HECW1: variants seen among roughly 807,000 people sequenced by gnomAD.
HECW1 encodes HECT, C2 and WW domain containing E3 ubiquitin protein ligase 1.
A neutral mutation model predicts 182.3 loss-of-function variants in HECW1; 61 were observed. The ratio of observed to expected loss-of-function variants is 0.33; its 90% CI spans 0.27 to 0.41. The LOEUF is 0.41. Among genes scored for constraint, HECW1 ranks in the 10% least tolerant of loss-of-function variants. The probability of loss-of-function intolerance (pLI) is 1.00; values close to 1 mark genes in which losing one functional copy is unlikely to be tolerated. For missense variants in HECW1, 1,739 were observed against 2,108.9 expected, an observed-to-expected ratio of 0.82 and a Z score of 3.44; for synonymous variants, 859 against 832.6, an observed-to-expected ratio of 1.03 and a Z score of -0.55.
At chr7:43,323,459 G>A (rs1013230751) in intron 5 of HECW1, among the ~76,000 whole-genome samples, 7 of 151,928 alleles carry the variant, frequency 4.6e-5, no homozygotes, top group Non-Finnish European at 8.8e-5. Flanking sequence ...GATGATGTAT[G>A]CCTGTAGTCG....
intron 6 of HECW1, among the ~76,000 whole-genome samples, chr7:43,382,966 G>A (rs1273909361): frequency 1.3e-5 from 2 of 152,114 alleles, no homozygotes; most frequent in Admixed American, 1.3e-4. Context: ...AGTGTGTGAT[G>A]TTCCCTTCCC....
intron 14 of HECW1, among the ~76,000 whole-genome samples, chr7:43,464,269 G>A (rs1001943681): frequency 6.6e-6 from 1 of 152,198 alleles, no homozygotes; most frequent in Non-Finnish European, 1.5e-5. Context: ...TTGCAAAGGA[G>A]CCATGTGACA....
At chr7:43,535,578 AT>A (rs1237219188) in intron 24 of HECW1, among the ~76,000 whole-genome samples, 1 of 152,190 alleles carries the variant, frequency 6.6e-6, no homozygotes, top group Non-Finnish European at 1.5e-5. Flanking sequence ...AAAAACATAT[AT>A]GTTTCCATCA....
At chr7:43,329,587 A>G (rs539161728) in intron 5 of HECW1, among the ~76,000 whole-genome samples, 16 of 152,290 alleles carry the variant, frequency 1.1e-4, no homozygotes, top group African/African-American at 3.8e-4. Flanking sequence ...AAGGAGAATC[A>G]GCTGCCTCTA....
At chr7:43,531,384 T>G (rs34583353) in intron 24 of HECW1, among the ~76,000 whole-genome samples, 37,451 of 152,076 alleles carry the variant, frequency 0.25, 4,767 homozygotes, top group African/African-American at 0.29. Flanking sequence ...TCTCCCTTCC[T>G]AGCTTGTAAA....
At chr7:43,232,192 G>A (rs1206150089) in intron 2 of HECW1, among the ~76,000 whole-genome samples, 2 of 152,244 alleles carry the variant, frequency 1.3e-5, no homozygotes, top group South Asian at 2.1e-4. Flanking sequence ...TAGTTTGAAT[G>A]GGCCACAGGA....
At chr7:43,276,397 G>A (rs1803147792) in intron 3 of HECW1, among the ~76,000 whole-genome samples, 1 of 152,068 alleles carries the variant, frequency 6.6e-6, no homozygotes, top group South Asian at 2.1e-4. Context: ...ATTTTAAAAG[G>A]ATAAGTTTCT....
chr7:43,322,357 G>T (rs1810237674), intron 5 of HECW1, among the ~76,000 whole-genome samples: 1 of 152,184 alleles, frequency 6.6e-6, no homozygotes, highest in South Asian at 2.1e-4. Flanking sequence ...ACCGCACCTG[G>T]CCAGAATTTC....
At chr7:43,481,308 A>G (rs1288996573) in intron 17 of HECW1, among the ~76,000 whole-genome samples, 1 of 152,232 alleles carries the variant, frequency 6.6e-6, no homozygotes, top group Non-Finnish European at 1.5e-5. Flanking sequence ...TTCTTCATGA[A>G]GTTGAATATG....
intron 6 of HECW1, among the ~76,000 whole-genome samples, chr7:43,381,205 A>G (rs892280564): frequency 6.6e-6 from 1 of 152,046 alleles, no homozygotes; most frequent in South Asian, 2.1e-4. Flanking sequence ...TACTTTTTTC[A>G]TGCTAATTTG....
intron 17 of HECW1, among the ~76,000 whole-genome samples, chr7:43,486,266 A>G (rs1362295982): frequency 6.6e-6 from 1 of 151,348 alleles, no homozygotes; most frequent in Non-Finnish European, 1.5e-5. Context: ...CCAGTCTATC[A>G]TTGATGGGCA....
At chr7:43,225,657 A>T (rs545184939) in intron 2 of HECW1, among the ~76,000 whole-genome samples, 57 of 152,344 alleles carry the variant, frequency 3.7e-4, no homozygotes, top group African/African-American at 1.4e-3. Flanking sequence ...GAACTTTTAA[A>T]ATTATGATTA....
At chr7:43,228,815 AAACT>A (rs1477990236) in intron 2 of HECW1, among the ~76,000 whole-genome samples, 2 of 152,242 alleles carry the variant, frequency 1.3e-5, no homozygotes, top group African/African-American at 4.8e-5. Context: ...AAAATTTATG[AAACT>A]ATGTTAGAAT....
chr7:43,411,685 T>A (rs550087186), intron 8 of HECW1, among the ~76,000 whole-genome samples: 1 of 152,334 alleles, frequency 6.6e-6, no homozygotes, highest in Admixed American at 6.5e-5. Context: ...CATAGTTATG[T>A]CTATGCATCA....
intron 2 of HECW1, among the ~76,000 whole-genome samples, chr7:43,193,287 G>A (rs1305472942): frequency 6.6e-6 from 1 of 152,156 alleles, no homozygotes; most frequent in Non-Finnish European, 1.5e-5. Context: ...CAGGATCTTC[G>A]TGACCTGTAT....
chr7:43,207,458 T>C (rs547465660), intron 2 of HECW1, among the ~76,000 whole-genome samples: 2 of 152,360 alleles, frequency 1.3e-5, no homozygotes, highest in Admixed American at 1.3e-4. Flanking sequence ...ACATTCATCA[T>C]TTCTTTGTCT....
At position 43,345,789 on chromosome 7, in the gene HECW1, A is replaced by T. The variant is rs115114705; in HGVS notation, c.461-15097A>T. 6.6e-3 allele frequency among the ~76,000 whole-genome samples: 640 copies of T among 97,060 alleles called. 5 individuals are homozygous for T. Among genetic ancestry groups the T allele is most frequent in the African/African-American group, 0.023 (604 of 26,428 alleles). 63.7% of individuals were successfully genotyped at this position (97,060 alleles called of 152,430 possible). A position where few individuals can be genotyped will look rare whatever the true frequency, so the allele number is the denominator to read the frequency against. Reference sequence around the variant, plus strand: ...CATTTTTATGGTTGTGTAGTATTCCATCATATATATACACACACACACACA... The same window carrying T: ...CATTTTTATGGTTGTGTAGTATTCCTTCATATATATACACACACACACACA... On this transcript the variant is annotated intron_variant, in intron 5 of 29. Transcript: ENST00000395891.
At chr7:43,414,873 G>A (rs866527507) in intron 8 of HECW1, among the ~76,000 whole-genome samples, 3 of 151,912 alleles carry the variant, frequency 2.0e-5, no homozygotes, top group Non-Finnish European at 2.9e-5. Context: ...TTTTATTGAG[G>A]ATTTTTGCAT....
intron 29 of HECW1, 98 bp from the exon 30 acceptor site, chr7:43,561,717 T>A: frequency 2.5e-6 from 2 of 788,158 alleles, no homozygotes. Flanking sequence ...CTGCTCACTT[T>A]TGATTCCTTT....
Sources: gnomAD v4.1 joint callset for allele counts (sites outside exome capture counted in the v4.1 genomes callset) on GRCh38, gnomAD v4.1.1 for gene constraint, MANE v1.5 for transcripts, NCBI Gene and HGNC (gene_info 2026-07-23, HGNC 2026-07-21) for gene names.